Variants in DYSF observed in about 807,000 individuals in gnomAD.
DYSF encodes dystrophy-associated fer-1-like 1.
DYSF carries 212 observed loss-of-function variants against 274.9 expected under a neutral mutation model. That is an observed-to-expected ratio of 0.77 (90% CI 0.69 to 0.86). DYSF has a LOEUF of 0.86. DYSF is among the 40% of genes least tolerant of loss of function. DYSF has a pLI of 0.00. For missense variants in DYSF, 2,666 were observed against 2,783.2 expected (o/e 0.96, Z 0.95); for synonymous variants, 1,091 against 1,078.7 (o/e 1.01, Z -0.22).
chr2:71,624,843 A>G (rs1035602043), intron 41 of DYSF, among the ~76,000 whole-genome samples: 1 of 152,084 alleles, frequency 6.6e-6, no homozygotes, highest in African/African-American at 2.4e-5. Context: ...TGCATTCGTA[A>G]AACTGGGCTC....
intron 1 of DYSF, among the ~76,000 whole-genome samples, chr2:71,477,983 A>G (rs1327956111): frequency 1.3e-5 from 2 of 151,948 alleles, no homozygotes; most frequent in African/African-American, 4.8e-5. Context: ...AATCCAGCCA[A>G]GCATTAAAGA....
intron 1 of DYSF, among the ~76,000 whole-genome samples, chr2:71,472,560 C>T (rs1427198443): frequency 2.0e-5 from 3 of 152,206 alleles, no homozygotes; most frequent in Non-Finnish European, 4.4e-5. Flanking sequence ...GCGTCCACCA[C>T]CACGCCAGGC....
chr2:71,545,161 C>G (rs1307177559), intron 17 of DYSF, among the ~76,000 whole-genome samples: 1 of 152,110 alleles, frequency 6.6e-6, no homozygotes, highest in Non-Finnish European at 1.5e-5. Context: ...GAAAGAGTTC[C>G]AGGCAGAGGT....
At chr2:71,581,191 C>T (rs1181141612) in intron 30 of DYSF, among the ~76,000 whole-genome samples, 1 of 152,164 alleles carries the variant, frequency 6.6e-6, no homozygotes, top group Non-Finnish European at 1.5e-5. Context: ...ACATGGAAAC[C>T]CTAGAGGGAC....
At chr2:71,667,245 TGGGGGTGAGGCTGC>T in intron 47 of DYSF, 117 bp from the exon 48 acceptor site, 2 of 1,304,160 alleles carry the variant, frequency 1.5e-6, no homozygotes, top group Non-Finnish European at 1.1e-6. Context: ...GCATCTGTGC[TGGGGGTGAGGCTGC>T]GGGGGTTAGA....
chr2:71,602,457 C>T (rs2093569533), intron 35 of DYSF, among the ~76,000 whole-genome samples: 1 of 152,194 alleles, frequency 6.6e-6, no homozygotes, highest in Non-Finnish European at 1.5e-5. Flanking sequence ...CTTCCCATCA[C>T]CTGCTGCTCT....
intron 3 of DYSF, 91 bp downstream of exon 3, chr2:71,482,061 C>A: frequency 9.4e-7 from 1 of 1,065,322 alleles, no homozygotes; most frequent in Non-Finnish European, 1.4e-6. Context: ...CCCCAGGGAG[C>A]TGGGGTTTCA....
intron 17 of DYSF, among the ~76,000 whole-genome samples, chr2:71,540,104 CT>C (rs1240221196): frequency 6.8e-6 from 1 of 146,462 alleles, no homozygotes; most frequent in Non-Finnish European, 1.5e-5. Context: ...AAGATTTCAA[CT>C]TTTTTTTTCT....
At chr2:71,500,661 T>C (rs1371476860) in intron 3 of DYSF, among the ~76,000 whole-genome samples, 1 of 151,754 alleles carries the variant, frequency 6.6e-6, no homozygotes, top group Non-Finnish European at 1.5e-5. Flanking sequence ...GCAGAGGAGG[T>C]CTGGCTTTTC....
chr2:71,457,661 G>A (rs900079882), intron 1 of DYSF, among the ~76,000 whole-genome samples: 2 of 152,108 alleles, frequency 1.3e-5, no homozygotes, highest in Non-Finnish European at 2.9e-5. Flanking sequence ...TATCTCAGGG[G>A]GTCCTTGCTC....
At position 71,529,366 on chromosome 2, in the gene DYSF, G is replaced by C. The variant is rs1212594422; in HGVS notation, c.1380+965G>C. Among the ~76,000 whole-genome samples the C allele has an allele frequency of 6.6e-5, 10 of 152,168 alleles. No homozygotes were observed. The East Asian group carries it at 1.9e-3, about 29-fold the overall frequency. ...ACTCATGGCATTGAATTTTTGAACA[G>C]CCCAGGCCATTTGTCCAAGTACTGG... On this transcript the variant is annotated intron_variant, in intron 14 of 55. Coordinates refer to ENST00000410020, the MANE Select transcript of DYSF (RefSeq NM_001130987.2).
intron 17 of DYSF, among the ~76,000 whole-genome samples, chr2:71,539,494 G>GC (rs1444415270): frequency 1.3e-5 from 2 of 152,192 alleles, no homozygotes; most frequent in Admixed American, 1.3e-4. Context: ...GAGAATATTG[G>GC]CTGGCTGTGG....
intron 1 of DYSF, among the ~76,000 whole-genome samples, chr2:71,460,545 T>G (rs1261766785): frequency 6.6e-6 from 1 of 152,186 alleles, no homozygotes; most frequent in African/African-American, 2.4e-5. Flanking sequence ...TTCCTGATAA[T>G]GTCCCCTCGG....
At chr2:71,480,848 G>A (rs2082823166) in intron 1 of DYSF, 35 bp from the exon 2 acceptor site, 6 of 1,599,546 alleles carry the variant, frequency 3.8e-6, no homozygotes, top group Non-Finnish European at 5.1e-6. Context: ...AAGGCGGGAT[G>A]TGTCTCTCCA....
At chr2:71,538,988 A>C (rs1231740385) in intron 16 of DYSF, among the ~76,000 whole-genome samples, 169 bp from the exon 17 acceptor site, 2 of 152,156 alleles carry the variant, frequency 1.3e-5, no homozygotes, top group Non-Finnish European at 2.9e-5. Flanking sequence ...CAGTGTCTTC[A>C]TCTCTGGGAT....
In DYSF at chr2:71,520,784, C is replaced by G. The variant is rs778976357; in HGVS notation, c.1034-5C>G. 1.9e-6 allele frequency: 3 copies of G among 1,613,724 alleles called. No individual in the cohort carries two copies. Among genetic ancestry groups the G allele is most frequent in the Non-Finnish European group, 2.5e-6 (3 of 1,179,778 alleles). On this transcript the variant is annotated splice_polypyrimidine_tract_variant and splice_region_variant and intron_variant, in intron 11 of 55. Coordinates refer to ENST00000410020, the MANE Select transcript of DYSF (RefSeq NM_001130987.2). ...GGGATCACCAGAGGATGTTGTCTCT[C>G]TTAGGGCACGCCTATCTCAGGAAGT...
intron 1 of DYSF, among the ~76,000 whole-genome samples, chr2:71,460,167 C>T (rs1049453530): frequency 6.6e-6 from 1 of 152,218 alleles, no homozygotes; most frequent in Non-Finnish European, 1.5e-5. Flanking sequence ...GACCCACAGG[C>T]TGTCCAGGAC....
intron 13 of DYSF, 72 bp downstream of exon 13, chr2:71,526,418 T>TGGGGGGGGGGGGGGGG: frequency 1.5e-5 from 4 of 261,502 alleles, no homozygotes; most frequent in African/African-American, 4.6e-5. Flanking sequence ...GGGTGGGCGA[T>TGGGGGGGGGGGGGGGG]GGCGGGCGGG....
At chr2:71,595,995 C>T (rs1031686637) in intron 32 of DYSF, among the ~76,000 whole-genome samples, 147 of 145,244 alleles carry the variant, frequency 1.0e-3, no homozygotes, top group African/African-American at 3.5e-3. Flanking sequence ...CCCTACTCCC[C>T]TTTTTCCTTT....
Sources: gnomAD v4.1 joint callset for allele counts (sites outside exome capture counted in the v4.1 genomes callset) on GRCh38, gnomAD v4.1.1 for gene constraint, MANE v1.5 for transcripts, NCBI Gene and HGNC (gene_info 2026-07-23, HGNC 2026-07-21) for gene names.